The following ADAM22 variants were observed in gnomAD, a reference collection of about 807,000 sequenced individuals.
ADAM22 encodes the protein ADAM metallopeptidase domain 22, also known as disintegrin and metalloproteinase domain-containing protein 22.
Under a neutral mutation model 144.6 loss-of-function variants are expected in ADAM22, and 65 were observed. The observed-to-expected ratio is 0.45, with a 90% CI of 0.37 to 0.55. The LOEUF is 0.55. Among genes scored for constraint, ADAM22 ranks in the 20% least tolerant of loss-of-function variants. The pLI is 0.00. For synonymous variants in ADAM22, 391 were observed against 412.6 expected (o/e 0.95, Z 0.63); for missense variants, 974 against 1,184.9 (o/e 0.82, Z 2.61).
At chr7:88,098,199 A>G (rs765997339) in intron 4 of ADAM22, among the ~76,000 whole-genome samples, 2 of 152,198 alleles carry the variant, frequency 1.3e-5, no homozygotes, top group Non-Finnish European at 2.9e-5. Context: ...TAAGTTTGCC[A>G]TATTGTGTAA....
intron 2 of ADAM22, among the ~76,000 whole-genome samples, chr7:87,976,116 T>G (rs961373666): frequency 1.3e-5 from 2 of 152,148 alleles, no homozygotes; most frequent in Non-Finnish European, 2.9e-5. Flanking sequence ...ATCAACTAAG[T>G]ACCTGGTGCT....
At chr7:88,154,261 C>A (rs1013189908) in intron 21 of ADAM22, among the ~76,000 whole-genome samples, 1 of 152,170 alleles carries the variant, frequency 6.6e-6, no homozygotes, top group African/African-American at 2.4e-5. Context: ...TTAAATGGAA[C>A]CTTAGCTTGG....
chr7:88,157,346 G>A (rs1840261268), intron 22 of ADAM22, among the ~76,000 whole-genome samples: 1 of 152,056 alleles, frequency 6.6e-6, no homozygotes, highest in Non-Finnish European at 1.5e-5. Flanking sequence ...AGTTTCCAGA[G>A]AGGAGAAAAA....
chr7:88,029,127 TA>T (rs760079896), intron 3 of ADAM22, among the ~76,000 whole-genome samples: 5 of 152,078 alleles, frequency 3.3e-5, no homozygotes, highest in Non-Finnish European at 7.4e-5. Flanking sequence ...TCTGTTATTT[TA>T]AAATTTGTTT....
chr7:87,999,987 TA>T (rs201224958), intron 3 of ADAM22, among the ~76,000 whole-genome samples: 1,786 of 131,824 alleles, frequency 0.014, 17 homozygotes, highest in East Asian at 0.038. Context: ...AGCACATCTC[TA>T]AAAAAAAAAA....
At chr7:88,036,968 A>G (rs971616846) in intron 3 of ADAM22, among the ~76,000 whole-genome samples, 1 of 152,046 alleles carries the variant, frequency 6.6e-6, no homozygotes, top group Non-Finnish European at 1.5e-5. Flanking sequence ...TTCCCTCTCC[A>G]TTTAACATCT....
At position 87,934,262 on chromosome 7, in the gene ADAM22, C is replaced by G. The variant is rs908084271; in HGVS notation, c.-204C>G. On this transcript the variant is annotated 5_prime_UTR_variant, in exon 1 of 32. Transcript: ENST00000413139. ...CCGCCCAATGCAGCACTCGCTCGCTCCCCCCGCCAGCGGAAGCGTCCGCGA... is the reference window on the plus strand; with the variant it reads ...CCGCCCAATGCAGCACTCGCTCGCTGCCCCCGCCAGCGGAAGCGTCCGCGA... 2 of 506,456 alleles carry G rather than the reference C, an allele frequency of 3.9e-6. No individual in the cohort carries two copies. Among genetic ancestry groups the G allele is most frequent in the East Asian group, 3.6e-5 (1 of 27,808 alleles). 31.4% of individuals were successfully genotyped at this position (506,456 alleles called of 1,614,324 possible).
At chr7:88,100,006 G>A (rs964841911) in intron 4 of ADAM22, among the ~76,000 whole-genome samples, 1 of 152,076 alleles carries the variant, frequency 6.6e-6, no homozygotes, top group Non-Finnish European at 1.5e-5. Flanking sequence ...GGAAAAACTG[G>A]TGAAGTCTAA....
chr7:88,121,371 C>A lies in ADAM22; in HGVS notation c.608-4218C>A, dbSNP rs568367436. 1.2e-4 allele frequency among the ~76,000 whole-genome samples: 18 copies of A among 152,198 alleles called. No homozygotes were observed. In the South Asian group the frequency reaches 3.7e-3, roughly 32 times the overall value. ...ACTAAAATTTCTTTCAGTGTTTGGT[C>A]ATTTTTAGTGTAGATATTGTATTAT... On this transcript the variant is annotated intron_variant, in intron 7 of 31. Transcript: ENST00000413139.
chr7:88,111,131 G>A (rs547982728), intron 5 of ADAM22, among the ~76,000 whole-genome samples: 60 of 152,122 alleles, frequency 3.9e-4, no homozygotes, highest in Middle Eastern at 3.4e-3. Context: ...TCAGAATTGT[G>A]TATGACCATT....
intron 25 of ADAM22, 134 bp downstream of exon 25, chr7:88,168,361 G>A: frequency 1.2e-6 from 1 of 852,446 alleles, no homozygotes; most frequent in South Asian, 1.4e-5. Context: ...TCAGCAGCCA[G>A]TCAATGCTTA....
At chr7:88,040,102 T>G (rs1485933453) in intron 3 of ADAM22, among the ~76,000 whole-genome samples, 1 of 151,834 alleles carries the variant, frequency 6.6e-6, no homozygotes, top group African/African-American at 2.4e-5. Context: ...GGATTTCAGT[T>G]ATCACTTCAA....
intron 3 of ADAM22, among the ~76,000 whole-genome samples, chr7:87,980,096 T>C (rs1852946449): frequency 6.6e-6 from 1 of 152,176 alleles, no homozygotes; most frequent in Non-Finnish European, 1.5e-5. Context: ...GACACACATA[T>C]GGTCATACTT....
intron 4 of ADAM22, among the ~76,000 whole-genome samples, chr7:88,105,177 G>A (rs1353860459): frequency 3.3e-5 from 5 of 151,956 alleles, no homozygotes; most frequent in African/African-American, 1.2e-4. Context: ...AATTTCCATT[G>A]TTTTCTAGTC....
At chr7:88,130,332 G>C in intron 9 of ADAM22, 56 bp from the exon 10 acceptor site, 5 of 1,361,620 alleles carry the variant, frequency 3.7e-6, no homozygotes, top group Middle Eastern at 1.8e-4. Flanking sequence ...TCTCTGATGA[G>C]ATGATTGTTT....
rs185991597 is a variant in ADAM22 at position 87,993,386 on chromosome 7, A to C, written c.323+14974A>C. On this transcript the variant is annotated intron_variant, in intron 3 of 31. Coordinates refer to ENST00000413139, the MANE Select transcript of ADAM22 (RefSeq NM_001324418.2). The stretch of plus-strand genomic sequence containing the variant: ...TCAACCCTAATGATATCTGTAATAA[A>C]TTGCTTTAAATTTTTTTCATTTTAG... Among the ~76,000 whole-genome samples, 575 of 152,320 alleles carry C rather than the reference A, an allele frequency of 3.8e-3. 4 individuals carry two copies. The highest frequency in any genetic ancestry group is 4.7e-3 in the Non-Finnish European group (321 of 68,034).
At position 88,194,543 on chromosome 7, in the gene ADAM22, A is replaced by C. The variant is rs373574980; in HGVS notation, c.2874+1304A>C. On this transcript the variant is annotated intron_variant, in intron 31 of 31. Transcript: ENST00000413139. ...TATCAGCAGCCCCTCTGTTACCACC[A>C]CATAGACGTGGGCCAAGGCATGCCT... 4.6e-5 allele frequency among the ~76,000 whole-genome samples: 7 copies of C among 152,274 alleles called. No homozygotes were observed. The East Asian group carries it at 1.2e-3, about 25-fold the overall frequency.
At chr7:87,982,094 CACACACACACACACAT>C (rs1853674799) in intron 3 of ADAM22, among the ~76,000 whole-genome samples, 6 of 150,306 alleles carry the variant, frequency 4.0e-5, no homozygotes, top group African/African-American at 9.8e-5. Flanking sequence ...CACACACACA[CACACACACACACACAT>C]GCATACACAA....
intron 4 of ADAM22, among the ~76,000 whole-genome samples, chr7:88,100,206 T>A (rs1822540828): frequency 6.6e-6 from 1 of 152,152 alleles, no homozygotes. Context: ...AGGAAAACAG[T>A]TGATATTTTA....
Sources: gnomAD v4.1 joint callset for allele counts (sites outside exome capture counted in the v4.1 genomes callset) on GRCh38, gnomAD v4.1.1 for gene constraint, MANE v1.5 for transcripts, NCBI Gene and HGNC (gene_info 2026-07-23, HGNC 2026-07-21) for gene names.